The following TENM2 variants were observed in gnomAD, a reference collection of about 807,000 sequenced individuals.
The protein encoded by TENM2 is teneurin transmembrane protein 2.
TENM2 carries 52 observed loss-of-function variants against 245.2 expected under a neutral mutation model. The observed-to-expected ratio is 0.21, with a 90% confidence interval of 0.17 to 0.27. TENM2 has a LOEUF of 0.27. Among genes scored for constraint, TENM2 ranks in the 10% least tolerant of loss-of-function variants. The pLI is 1.00. For missense variants in TENM2, 3,046 were observed against 3,666.8 expected, an observed-to-expected ratio of 0.83 and a Z score of 4.37; for synonymous variants, 1,363 against 1,438.9, an observed-to-expected ratio of 0.95 and a Z score of 1.19.
chr5:167,847,736 T>G (rs1770179580), intron 2 of TENM2, among the ~76,000 whole-genome samples: 1 of 152,264 alleles, frequency 6.6e-6, no homozygotes, highest in Non-Finnish European at 1.5e-5. Flanking sequence ...AGAGCAAAAC[T>G]GGAAGAAGTA....
intron 7 of TENM2, among the ~76,000 whole-genome samples, chr5:168,078,304 A>C (rs1018856393): frequency 6.6e-6 from 1 of 152,082 alleles, no homozygotes; most frequent in South Asian, 2.1e-4. Flanking sequence ...CATTTGTTTA[A>C]GTTCCTTGTA....
At chr5:168,002,439 T>A (rs1784480795) in intron 5 of TENM2, among the ~76,000 whole-genome samples, 2 of 152,258 alleles carry the variant, frequency 1.3e-5, no homozygotes, top group South Asian at 4.1e-4. Flanking sequence ...CTTGCTTATA[T>A]TCCACAGGGA....
intron 24 of TENM2, among the ~76,000 whole-genome samples, chr5:168,227,192 C>T (rs973984544): frequency 6.6e-6 from 1 of 152,168 alleles, no homozygotes; most frequent in Non-Finnish European, 1.5e-5. Flanking sequence ...ATTTCCTTCC[C>T]GTAACTTTTC....
chr5:167,241,784 T>A, the TENM2 span, among the ~76,000 whole-genome samples: 1 of 152,142 alleles, frequency 6.6e-6, no homozygotes, highest in African/African-American at 2.4e-5. Context: ...GAAAAATGAT[T>A]GCAAGATGAC....
chr5:168,018,685 A>G (rs1469919153), intron 5 of TENM2, among the ~76,000 whole-genome samples: 1 of 152,094 alleles, frequency 6.6e-6, no homozygotes, highest in Admixed American at 6.5e-5. Flanking sequence ...TAGGTGAGAG[A>G]TTCCCTACAT....
intron 2 of TENM2, among the ~76,000 whole-genome samples, chr5:167,640,868 T>TATCCATATATATATATATATCC: frequency 2.9e-5 from 1 of 34,822 alleles, no homozygotes; most frequent in Admixed American, 2.5e-4. Flanking sequence ...TCCATATATA[T>TATCCATATATATATATATATCC]ATATATATAT....
At chr5:167,781,698 A>G (rs1764198493) in intron 2 of TENM2, among the ~76,000 whole-genome samples, 1 of 152,226 alleles carries the variant, frequency 6.6e-6, no homozygotes, top group Non-Finnish European at 1.5e-5. Flanking sequence ...AGAAAAGATT[A>G]GGAGTTTCCT....
At chr5:167,243,067 T>G in the TENM2 span, among the ~76,000 whole-genome samples, 45 of 151,882 alleles carry the variant, frequency 3.0e-4, 1 homozygote, top group African/African-American at 9.9e-4. Context: ...TAGGAAAAGA[T>G]GGGTGTAGAC....
At chr5:167,103,095 G>A in the TENM2 span, among the ~76,000 whole-genome samples, 1 of 152,216 alleles carries the variant, frequency 6.6e-6, no homozygotes, top group African/African-American at 2.4e-5. Context: ...GCTATCCAAT[G>A]TACAAATAAT....
rs192855142 is a variant in TENM2, at chr5:168,139,150, A to G, written c.2422+12184A>G. On this transcript the variant is annotated intron_variant, in intron 12 of 28. Transcript: ENST00000518659. The stretch of plus-strand genomic sequence containing the variant: ...TTCATTTGCAACACAATGTAATTGC[A>G]TAAAAGAAAGTAGTCAAATATCAAA... Among the ~76,000 whole-genome samples the G allele has an allele frequency of 3.6e-3, 555 of 152,360 alleles. 5 individuals are homozygous for G. Among genetic ancestry groups the G allele is most frequent in the African/African-American group, 0.013 (529 of 41,586 alleles).
At chr5:167,252,882 A>C in the TENM2 span, among the ~76,000 whole-genome samples, 1 of 152,134 alleles carries the variant, frequency 6.6e-6, no homozygotes, top group Non-Finnish European at 1.5e-5. Flanking sequence ...AATATCATGC[A>C]TATGTTCAGC....
chr5:167,295,894 A>G (rs1012359317), intron 1 of TENM2, among the ~76,000 whole-genome samples: 2 of 152,144 alleles, frequency 1.3e-5, no homozygotes, highest in South Asian at 2.1e-4. Context: ...TTAGTAATAA[A>G]TCTCTGCTGG....
At chr5:167,359,399 A>G (rs983748817) in intron 1 of TENM2, among the ~76,000 whole-genome samples, 5 of 152,178 alleles carry the variant, frequency 3.3e-5, no homozygotes, top group Non-Finnish European at 7.3e-5. Context: ...TATTGGAAAG[A>G]TTAAATTTCC....
chr5:167,149,401 C>T, the TENM2 span, among the ~76,000 whole-genome samples: 258 of 152,170 alleles, frequency 1.7e-3, no homozygotes, highest in African/African-American at 5.8e-3. Flanking sequence ...TATTAGATAG[C>T]GAGTGTGCCT....
At chr5:167,602,302 T>G (rs890770270) in intron 2 of TENM2, among the ~76,000 whole-genome samples, 7 of 152,142 alleles carry the variant, frequency 4.6e-5, no homozygotes, top group African/African-American at 1.7e-4. Context: ...CCTTTCCAAT[T>G]GGTATCGAGG....
intron 1 of TENM2, among the ~76,000 whole-genome samples, chr5:167,337,197 G>C (rs1244679767): frequency 6.6e-6 from 1 of 150,442 alleles, no homozygotes; most frequent in Non-Finnish European, 1.5e-5. Flanking sequence ...TTCAGATAAG[G>C]GATACTCAAT....
chr5:167,427,289 C>T (rs375027301), intron 2 of TENM2, among the ~76,000 whole-genome samples: 4 of 152,022 alleles, frequency 2.6e-5, no homozygotes, highest in African/African-American at 9.7e-5. Flanking sequence ...CCCATCTCTA[C>T]TAATGATACA....
At chr5:167,321,404 G>A (rs973685978) in intron 1 of TENM2, among the ~76,000 whole-genome samples, 1 of 152,138 alleles carries the variant, frequency 6.6e-6, no homozygotes, top group African/African-American at 2.4e-5. Flanking sequence ...GAATCACATA[G>A]AAGTTATTTT....
chr5:167,326,155 A>G (rs1202617803), intron 1 of TENM2, among the ~76,000 whole-genome samples: 1 of 152,126 alleles, frequency 6.6e-6, no homozygotes, highest in Non-Finnish European at 1.5e-5. Context: ...TTAGAGAGAA[A>G]GGTCAGTGGG....
Sources: allele counts gnomAD v4.1 joint callset (sites outside exome capture counted in the v4.1 genomes callset), GRCh38; gene constraint gnomAD v4.1.1; transcripts MANE v1.5; gene names NCBI Gene and HGNC (gene_info 2026-07-23, HGNC 2026-07-21).